CARMIL1: variants seen among roughly 807,000 people sequenced by gnomAD.
The protein encoded by CARMIL1 is F-actin-uncapping protein LRRC16A.
In CARMIL1, 90 loss-of-function variants were observed where a neutral mutation model predicts 177.1. The ratio of observed to expected loss-of-function variants is 0.51; its 90% confidence interval spans 0.43 to 0.61. The LOEUF (loss-of-function observed/expected upper bound fraction) is 0.61. Ranked by LOEUF, CARMIL1 falls within the 20% of genes least tolerant of loss-of-function variation. The pLI, the probability that CARMIL1 is intolerant of heterozygous loss-of-function variation, is 0.00. For synonymous variants in CARMIL1, 577 were observed against 606.2 expected (o/e 0.95, Z 0.71); for missense variants, 1,380 against 1,667.0 (o/e 0.83, Z 3.00).
At chr6:25,455,929 A>G (rs1309257973) in intron 8 of CARMIL1, among the ~76,000 whole-genome samples, 1 of 152,178 alleles carries the variant, frequency 6.6e-6, no homozygotes, top group African/African-American at 2.4e-5. Flanking sequence ...CACGTGAGAC[A>G]TGGTTTTAGA....
chr6:25,433,031 C>G (rs922979841), intron 4 of CARMIL1: 5 of 152,258 alleles, frequency 3.3e-5, no homozygotes, highest in Admixed American at 3.3e-4. Context: ...TGATAGGAAG[C>G]TCTTTTTTTC....
intron 2 of CARMIL1, among the ~76,000 whole-genome samples, chr6:25,381,235 T>C (rs1343855290): frequency 6.6e-6 from 1 of 152,220 alleles, no homozygotes; most frequent in African/African-American, 2.4e-5. Context: ...TAGGCAGTTA[T>C]AAAAAATTGT....
intron 2 of CARMIL1, among the ~76,000 whole-genome samples, chr6:25,367,503 A>G (rs939613638): frequency 1.3e-5 from 2 of 152,090 alleles, no homozygotes; most frequent in Non-Finnish European, 2.9e-5. Context: ...GCAAACCAAC[A>G]TCACCAGTGC....
intron 2 of CARMIL1, among the ~76,000 whole-genome samples, chr6:25,358,742 T>C (rs1422496589): frequency 6.6e-6 from 1 of 152,186 alleles, no homozygotes; most frequent in Non-Finnish European, 1.5e-5. Context: ...AAGTGAGTAC[T>C]AAGTAGCAAG....
chr6:25,439,500 G>T (rs1797535698), intron 5 of CARMIL1, among the ~76,000 whole-genome samples: 1 of 152,172 alleles, frequency 6.6e-6, no homozygotes, highest in East Asian at 1.9e-4. Flanking sequence ...AAATGGAGTT[G>T]GGTAAGGACT....
chr6:25,581,064 G>C (rs182919331), intron 30 of CARMIL1, 74 bp downstream of exon 30: 1 of 1,456,306 alleles, frequency 6.9e-7, no homozygotes, highest in East Asian at 2.5e-5. Context: ...GACCATTTTA[G>C]GGATGTTCCT....
At chr6:25,603,032 TG>T (rs552741619) in intron 33 of CARMIL1, among the ~76,000 whole-genome samples, 77 of 152,376 alleles carry the variant, frequency 5.1e-4, no homozygotes, top group African/African-American at 1.8e-3. Context: ...ACAGTCACTT[TG>T]GGATTTATAA....
chr6:25,330,888 GTTTTTTTTT>G (rs67633087), intron 2 of CARMIL1, among the ~76,000 whole-genome samples: 7 of 118,224 alleles, frequency 5.9e-5, no homozygotes, highest in Non-Finnish European at 1.2e-4. Context: ...TTTTCAAGAG[GTTTTTTTTT>G]TTTTTTTTTT....
chr6:25,403,008 T>C (rs568989748), intron 2 of CARMIL1, among the ~76,000 whole-genome samples: 3 of 151,994 alleles, frequency 2.0e-5, no homozygotes, highest in South Asian at 2.1e-4. Context: ...CATAATTTGA[T>C]AATCTTCAGA....
At chr6:25,390,701 A>AT (rs992660550) in intron 2 of CARMIL1, among the ~76,000 whole-genome samples, 4 of 151,170 alleles carry the variant, frequency 2.6e-5, no homozygotes, top group African/African-American at 2.4e-5. Flanking sequence ...AAAAATTTTT[A>AT]TTTTTTTTGC....
intron 35 of CARMIL1, among the ~76,000 whole-genome samples, chr6:25,608,189 C>T (rs1413807136): frequency 6.6e-6 from 1 of 152,110 alleles, no homozygotes; most frequent in African/African-American, 2.4e-5. Context: ...GGACAGTAGG[C>T]CCCTCTTATC....
intron 4 of CARMIL1, among the ~76,000 whole-genome samples, chr6:25,431,280 G>GTGTT (rs1796759227): frequency 6.6e-6 from 1 of 152,116 alleles, no homozygotes; most frequent in East Asian, 1.9e-4. Context: ...GTGTGTGTGT[G>GTGTT]TGTGTGTTTG....
At chr6:25,466,689 A>AAATAT (rs1800627967) in intron 9 of CARMIL1, among the ~76,000 whole-genome samples, 1 of 152,192 alleles carries the variant, frequency 6.6e-6, no homozygotes, top group African/African-American at 2.4e-5. Flanking sequence ...TAGTGAATAC[A>AAATAT]TCAGACTTGG....
Position 25,610,087 on chromosome 6 carries a change from C to T in CARMIL1, c.3885C>T (p.Ala1295=). 6.2e-7 allele frequency: 1 copy of T among 1,613,866 alleles called. No homozygotes were observed. Among genetic ancestry groups the T allele is most frequent in the Non-Finnish European group, 8.5e-7 (1 of 1,179,862 alleles). Residue 1295 remains alanine (A), a synonymous_variant, in exon 36 of 37, where the codon GCC becomes GCT. Coordinates refer to ENST00000329474, the MANE Select transcript of CARMIL1 (RefSeq NM_017640.6). ...IPDSPSSPKV[A]LLPPVLKKVP... ...ACTCTCCATCTAGCCCGAAAGTTGC[C>T]CTTCTTCCACCTGTCCTGAAAAAAG...
chr6:25,387,130 A>AAAAAAAAAAAAAAAAAAAAAC, intron 2 of CARMIL1, among the ~76,000 whole-genome samples: 1 of 151,794 alleles, frequency 6.6e-6, no homozygotes, highest in South Asian at 2.1e-4. Context: ...AAAAAAAAAA[A>AAAAAAAAAAAAAAAAAAAAAC]AAATCACAAC....
At chr6:25,428,837 A>T (rs1182756278) in intron 4 of CARMIL1, among the ~76,000 whole-genome samples, 1 of 152,124 alleles carries the variant, frequency 6.6e-6, no homozygotes, top group African/African-American at 2.4e-5. Flanking sequence ...TCTTGCTGGT[A>T]TTAGAAATAT....
At chr6:25,506,388 C>G (rs4097270) in intron 17 of CARMIL1, among the ~76,000 whole-genome samples, 16,736 of 151,988 alleles carry the variant, frequency 0.11, 1,287 homozygotes, top group Admixed American at 0.15. Flanking sequence ...TCTACTAAAA[C>G]TACAAAAATT....
chr6:25,386,948 T>A (rs2150512522), intron 2 of CARMIL1, among the ~76,000 whole-genome samples: 1 of 151,814 alleles, frequency 6.6e-6, no homozygotes, highest in East Asian at 1.9e-4. Context: ...GCCAACAACA[T>A]GGTGAAACCC....
At chr6:25,296,511 G>A (rs1782374073) in intron 2 of CARMIL1, among the ~76,000 whole-genome samples, 1 of 152,180 alleles carries the variant, frequency 6.6e-6, no homozygotes, top group Admixed American at 6.5e-5. Flanking sequence ...GACTTTCTTA[G>A]TTACCCTGTA....
Sources: gnomAD v4.1 joint callset for allele counts (sites outside exome capture counted in the v4.1 genomes callset) on GRCh38, gnomAD v4.1.1 for gene constraint, MANE v1.5 for transcripts, NCBI Gene and HGNC (gene_info 2026-07-23, HGNC 2026-07-21) for gene names.